Variants in SPATA21 observed in about 807,000 individuals in gnomAD.
SPATA21 encodes spermatogenesis-associated protein 21.
SPATA21 carries 47 observed loss-of-function variants against 54.8 expected under a neutral mutation model. That is an observed-to-expected ratio of 0.86 (90% CI 0.68 to 1.09). The LOEUF is 1.09. SPATA21 is among the 50% of genes least tolerant of loss of function. The pLI, the probability that SPATA21 is intolerant of heterozygous loss-of-function variation, is 0.00. For synonymous variants in SPATA21, 245 were observed against 235.3 expected, an observed-to-expected ratio of 1.04 and a Z score of -0.38; for missense variants, 599 against 596.4, an observed-to-expected ratio of 1.00 and a Z score of -0.05.
chr1:16,432,114 C>CTTTTTTT (rs35240103), intron 2 of SPATA21, among the ~76,000 whole-genome samples: 26 of 133,104 alleles, frequency 2.0e-4, no homozygotes, highest in Non-Finnish European at 2.8e-4. Context: ...TCTTCTTCTT[C>CTTTTTTT]TTTTTTTTTT....
chr1:16,409,950 T>C lies in SPATA21; in HGVS notation c.238A>G (p.Asn80Asp), dbSNP rs2085784548. 6.2e-7 allele frequency: 1 copy of C among 1,613,508 alleles called. No individual in the cohort carries two copies. Among genetic ancestry groups the C allele is most frequent in the Non-Finnish European group, 8.5e-7 (1 of 1,179,814 alleles). Residue 80 changes from asparagine to aspartate, a missense_variant, in exon 6 of 13, where the codon AAC becomes GAC. Coordinates refer to ENST00000335496, the MANE Select transcript of SPATA21 (RefSeq NM_198546.1). This position sits in a 1 kb window ranked among gnomAD's most constrained non-coding sequence, Gnocchi z 4.1. Reference protein sequence around the residue: ...AVAAGTQSLGNFRQGFMKCLL... With the variant: ...AVAAGTQSLGDFRQGFMKCLL... Reference sequence around the variant, plus strand: ...CACTTCATGAAGCCCTGCCGGAAGTTCCCGAGGCTCTGTGTCCCTGCAGCC... The same window carrying C: ...CACTTCATGAAGCCCTGCCGGAAGTCCCCGAGGCTCTGTGTCCCTGCAGCC...
intron 5 of SPATA21, among the ~76,000 whole-genome samples, chr1:16,419,497 T>C (rs1444125715): frequency 6.6e-6 from 1 of 152,084 alleles, no homozygotes; most frequent in Non-Finnish European, 1.5e-5. Context: ...CAGAGGTGAT[T>C]TTGAGCTGGG....
chr1:16,424,861 C>T (rs900197857), intron 3 of SPATA21: 5 of 196,618 alleles, frequency 2.5e-5, no homozygotes, highest in South Asian at 1.5e-4. Context: ...CCTCCTCCCT[C>T]CCCCCTGCAC....
In SPATA21 at chr1:16,409,343, A is replaced by G. The variant is rs2085754787; in HGVS notation, c.588-140T>C. ...CCCGGAGAGATCAAGAATGGCAGGAAAAAGGAGATCCAGAGGAGAAGTGGG... is the reference window on the plus strand; with the variant it reads ...CCCGGAGAGATCAAGAATGGCAGGAGAAAGGAGATCCAGAGGAGAAGTGGG... On this transcript the variant is annotated intron_variant, in intron 6 of 12. Coordinates refer to ENST00000335496, the MANE Select transcript of SPATA21 (RefSeq NM_198546.1). The surrounding 1 kb of genome is among the most constrained non-coding windows in gnomAD (Gnocchi z 4.1). The G allele has an allele frequency of 2.1e-6, 2 of 944,510 alleles. No individual in the cohort carries two copies. Among genetic ancestry groups the G allele is most frequent in the African/African-American group, 3.3e-5 (2 of 60,736 alleles). The allele number at this position is 944,510 out of a possible 1,614,324, so 58.5% of individuals were successfully genotyped here.
At chr1:16,417,325 C>A (rs570057704) in intron 5 of SPATA21, among the ~76,000 whole-genome samples, 1 of 152,198 alleles carries the variant, frequency 6.6e-6, no homozygotes, top group Admixed American at 6.5e-5. Flanking sequence ...ATGGCAAGAT[C>A]TTGGCTCACT....
rs773803110 is a variant in SPATA21, at chr1:16,403,739, T to C, written c.989A>G (p.Glu330Gly). 6.3e-5 allele frequency: 101 copies of C among 1,613,782 alleles called. No individual in the cohort carries two copies. The highest frequency in any genetic ancestry group is 9.3e-5 in the African/African-American group (7 of 74,898). The stretch of plus-strand genomic sequence containing the variant: ...CGGCCCCACTCACTTTGTGATTTCC[T>C]CTAAGACTGCCTCTGGTAAGGCCAG... ...EMLALPEAVLEEITNYYQKKL... is the reference protein window; with the variant it reads ...EMLALPEAVLGEITNYYQKKL... The change falls in exon 10 of 13, where the codon GAG (glutamate) becomes GGG (glycine). Residue 330 changes from glutamate to glycine, a missense_variant. Physicochemically the swap from Glu to Gly is moderately conservative, Grantham distance 98. Transcript: ENST00000335496.
Position 16,409,519 on chromosome 1 carries a change from A to G in SPATA21, c.587+82T>C. On this transcript the variant is annotated intron_variant, in intron 6 of 12. Transcript: ENST00000335496. This position sits in a 1 kb window ranked among gnomAD's most constrained non-coding sequence, Gnocchi z 4.1. ...GACACACGAGGGAACAGGCAGGTGCAGGGACAGGGACCTGCATCCGGGACA... is the reference window on the plus strand; with the variant it reads ...GACACACGAGGGAACAGGCAGGTGCGGGGACAGGGACCTGCATCCGGGACA... The G allele has an allele frequency of 7.0e-7, 1 of 1,422,778 alleles. No individual in the cohort carries two copies. The highest frequency in any genetic ancestry group is 9.5e-7 in the Non-Finnish European group (1 of 1,050,354). 88.1% of individuals were successfully genotyped at this position (1,422,778 alleles called of 1,614,324 possible).
At position 16,404,041 on chromosome 1, in the gene SPATA21, T is replaced by A. The variant is rs2085548558; in HGVS notation, c.812-2A>T. On this transcript the variant is annotated splice_acceptor_variant, in intron 8 of 12. Coordinates refer to ENST00000335496, the MANE Select transcript of SPATA21 (RefSeq NM_198546.1). LOFTEE classifies it high-confidence loss of function. ...CTTTGAAGTCCACACGACCATCTCC[T>A]GTGGAGGCCAGAGGAGTAGGGTGGG... 6.4e-7 allele frequency: 1 copy of A among 1,552,964 alleles called. No homozygotes were observed. The highest frequency in any genetic ancestry group is 8.7e-7 in the Non-Finnish European group (1 of 1,147,556).
Position 16,431,408 on chromosome 1 carries a change from T to A in SPATA21, c.-37A>T. ...CAACACGGGTGCCAAGTGAGGGGCA[T>A]CACCTAGTGTGCTCCTACAGGAGAA... On this transcript the variant is annotated 5_prime_UTR_variant, in exon 3 of 13. The change abolishes an upstream ATG in the 5' untranslated region. Coordinates refer to ENST00000335496, the MANE Select transcript of SPATA21 (RefSeq NM_198546.1). 6.2e-7 allele frequency: 1 copy of A among 1,613,146 alleles called. No homozygotes were observed. The highest frequency in any genetic ancestry group is 1.7e-5 in the Admixed American group (1 of 59,956).
chr1:16,413,822 G>A (rs757648606), intron 5 of SPATA21, among the ~76,000 whole-genome samples: 2 of 151,630 alleles, frequency 1.3e-5, no homozygotes, highest in South Asian at 2.1e-4. Context: ...TATATTGGCC[G>A]GGCTGGTCTT....
At chr1:16,432,372 T>G (rs908603636) in intron 2 of SPATA21, among the ~76,000 whole-genome samples, 7 of 152,114 alleles carry the variant, frequency 4.6e-5, no homozygotes, top group South Asian at 4.1e-4. Flanking sequence ...TCCGCCCGCC[T>G]CGGCCTCCCA....
At chr1:16,431,285 T>TA (rs1395519182) in intron 3 of SPATA21, 53 bp downstream of exon 3, 3 of 1,614,106 alleles carry the variant, frequency 1.9e-6, no homozygotes, top group Non-Finnish European at 2.5e-6. Flanking sequence ...CAGCCCTCTT[T>TA]ATGGTGATCC....
rs2086172100 is a variant in SPATA21, at chr1:16,421,552, T to C, written c.101A>G (p.Glu34Gly). The part of the protein sequence containing the change: ...PGPKKAKGGG[E>G]AVETHPAPGP... ...CGGTGCTGGGTGGGTCTCCACAGCC[T>C]CACCCCTGAATAGAAGAGAAACCCC... is the stretch of plus-strand genomic sequence containing the variant. The change falls in exon 5 of 13, where the codon GAG becomes GGG. Residue 34 changes from glutamate to glycine, a missense_variant. Glu to Gly is a moderately conservative substitution (Grantham distance 98, BLOSUM62 -2). Transcript: ENST00000335496. This position sits in a 1 kb window ranked among gnomAD's most constrained non-coding sequence, Gnocchi z 5.2. 6.2e-7 allele frequency: 1 copy of C among 1,613,334 alleles called. No homozygotes were observed. The highest frequency in any genetic ancestry group is 8.5e-7 in the Non-Finnish European group (1 of 1,179,790).
chr1:16,402,077 C>T (rs1367953314), intron 10 of SPATA21, among the ~76,000 whole-genome samples: 2 of 152,050 alleles, frequency 1.3e-5, no homozygotes, highest in Non-Finnish European at 2.9e-5. Flanking sequence ...GACAACCCTA[C>T]GGGTCTCACC....
At chr1:16,408,600 C>A in intron 7 of SPATA21, 1 of 896,286 alleles carries the variant, frequency 1.1e-6, no homozygotes, top group Non-Finnish European at 1.3e-6. Flanking sequence ...AGGCTGGGCG[C>A]GGTGGCTCAC....
rs1271613394 is a variant in SPATA21, at chr1:16,400,705, G to T, written c.1174+15C>A. 6 of 1,605,640 alleles carry T rather than the reference G, an allele frequency of 3.7e-6. No individual in the cohort carries two copies. The highest frequency in any genetic ancestry group is 5.1e-6 in the Non-Finnish European group (6 of 1,174,610). ...CCCCAACCCTAGCCCATCCCACCCT[G>T]CCCAGGGCCCTCACCATAGTTCTGC... On this transcript the variant is annotated intron_variant, in intron 11 of 12. Transcript: ENST00000335496.
intron 10 of SPATA21, among the ~76,000 whole-genome samples, chr1:16,403,001 G>C (rs1242296203): frequency 1.3e-5 from 2 of 152,148 alleles, no homozygotes; most frequent in Admixed American, 1.3e-4. Context: ...ATGGAGGCTC[G>C]GGCTCCTCTG....
intron 1 of SPATA21, among the ~76,000 whole-genome samples, chr1:16,436,822 A>G (rs1391149383): frequency 1.3e-5 from 2 of 151,904 alleles, no homozygotes; most frequent in African/African-American, 4.8e-5. Flanking sequence ...AACCTTAGTC[A>G]TGTAGCCAAA....
At chr1:16,401,000 G>A in intron 10 of SPATA21, 108 bp from the exon 11 acceptor site, 1 of 1,361,958 alleles carries the variant, frequency 7.3e-7, no homozygotes, top group Non-Finnish European at 9.9e-7. Flanking sequence ...ACAAGCCTAG[G>A]AGTCAGGAAA....
Sources: allele counts gnomAD v4.1 joint callset (sites outside exome capture counted in the v4.1 genomes callset), GRCh38; gene constraint gnomAD v4.1.1; non-coding constraint Gnocchi (gnomAD v3.1); transcripts MANE v1.5; gene names NCBI Gene and HGNC (gene_info 2026-07-23, HGNC 2026-07-21).